CCDC149: variants seen among roughly 807,000 people sequenced by gnomAD.
CCDC149 encodes coiled-coil domain containing 149.
Under a neutral mutation model 59.9 loss-of-function variants are expected in CCDC149, and 45 were observed. The observed-to-expected ratio is 0.75, with a 90% CI of 0.59 to 0.96. CCDC149 has a LOEUF of 0.96. Among genes scored for constraint, CCDC149 ranks in the 40% least tolerant of loss-of-function variants. CCDC149 has a pLI of 0.00. For synonymous variants in CCDC149, 245 were observed against 260.6 expected, an observed-to-expected ratio of 0.94 and a Z score of 0.58; for missense variants, 584 against 664.7, an observed-to-expected ratio of 0.88 and a Z score of 1.33.
intron 9 of CCDC149, chr4:24,827,804 TA>T (rs1223963468): frequency 1.3e-5 from 2 of 152,252 alleles, no homozygotes; most frequent in Admixed American, 1.3e-4. Context: ...AAAACCAGCA[TA>T]GGAGCATACG....
intron 3 of CCDC149, among the ~76,000 whole-genome samples, chr4:24,858,037 A>AG (rs367904248): frequency 8.9e-4 from 135 of 152,000 alleles, no homozygotes; most frequent in African/African-American, 3.0e-3. Flanking sequence ...GCAAAAAAAA[A>AG]AGAAAGTAGT....
At chr4:24,861,234 C>T (rs538971038) in intron 3 of CCDC149, among the ~76,000 whole-genome samples, 57 of 139,186 alleles carry the variant, frequency 4.1e-4, no homozygotes, top group African/African-American at 1.4e-3. Context: ...AATCAATGAG[C>T]GAATAAATAA....
chr4:24,914,637 G>C (rs903812698), upstream of CCDC149, among the ~76,000 whole-genome samples: 1 of 133,460 alleles, frequency 7.5e-6, no homozygotes, highest in Non-Finnish European at 1.5e-5. Context: ...GCTGAGACCA[G>C]CCGAAGAACC....
intron 1 of CCDC149, among the ~76,000 whole-genome samples, chr4:24,918,964 A>T (rs777728933): frequency 1.1e-4 from 17 of 152,318 alleles, no homozygotes; most frequent in Non-Finnish European, 1.8e-4. Flanking sequence ...GCAAGTAAAC[A>T]TGATTTCTAG....
intron 1 of CCDC149, chr4:24,894,850 C>T: frequency 1.9e-6 from 2 of 1,034,034 alleles, no homozygotes; most frequent in Non-Finnish European, 2.7e-6. Flanking sequence ...ATCTCAAAGT[C>T]GCTGACACCC....
At chr4:24,883,016 C>T (rs960744254) in intron 1 of CCDC149, among the ~76,000 whole-genome samples, 1 of 152,164 alleles carries the variant, frequency 6.6e-6, no homozygotes, top group Middle Eastern at 3.2e-3. Context: ...TGCCTGTCCC[C>T]CCAGCCTCCT....
chr4:24,838,503 A>C (rs1219012070), intron 4 of CCDC149, among the ~76,000 whole-genome samples: 1 of 152,162 alleles, frequency 6.6e-6, no homozygotes, highest in African/African-American at 2.4e-5. Context: ...TCTAGGCTGG[A>C]TGTCTGGTGG....
chr4:24,861,418 T>C (rs145776263), intron 3 of CCDC149, among the ~76,000 whole-genome samples: 58 of 152,180 alleles, frequency 3.8e-4, no homozygotes, highest in African/African-American at 1.3e-3. Context: ...CTCACTGATA[T>C]GTGGGAGTTA....
intron 1 of CCDC149, among the ~76,000 whole-genome samples, chr4:24,906,335 C>T (rs1367718414): frequency 1.0e-5 from 1 of 95,298 alleles, no homozygotes; most frequent in East Asian, 3.1e-4. Context: ...TAATAATTAG[C>T]CCTAGAGTAA....
chr4:24,850,296 G>A (rs1464148025), intron 4 of CCDC149, among the ~76,000 whole-genome samples: 2 of 152,142 alleles, frequency 1.3e-5, no homozygotes, highest in East Asian at 1.9e-4. Flanking sequence ...GGATACAGAT[G>A]GAAATTCGGC....
intron 1 of CCDC149, among the ~76,000 whole-genome samples, chr4:24,955,476 C>A (rs546589128): frequency 1.4e-4 from 21 of 152,088 alleles, no homozygotes; most frequent in Middle Eastern, 6.8e-3. Flanking sequence ...TATCCATCAA[C>A]AAAAGAATGA....
At chr4:24,836,790 T>A (rs1208237429) in intron 6 of CCDC149, among the ~76,000 whole-genome samples, 1 of 152,108 alleles carries the variant, frequency 6.6e-6, no homozygotes, top group Non-Finnish European at 1.5e-5. Context: ...ATAATTCTCA[T>A]TAAGATGATT....
intron 3 of CCDC149, among the ~76,000 whole-genome samples, chr4:24,868,137 G>C (rs1718812467): frequency 6.6e-6 from 1 of 152,162 alleles, no homozygotes; most frequent in Non-Finnish European, 1.5e-5. Flanking sequence ...CAGGGTGTGT[G>C]CCTCGATCCC....
chr4:24,876,658 C>A lies in CCDC149; in HGVS notation c.103G>T (p.Ala35Ser). 1 of 1,613,912 alleles carries A rather than the reference C, an allele frequency of 6.2e-7. No homozygotes were observed. Among genetic ancestry groups the A allele is most frequent in the Non-Finnish European group, 8.5e-7 (1 of 1,179,936 alleles). ...AGCTCCTTGGAGAGGATCAGCAGGGCTTCCTTCTTACTCTCCAGCTTCCTC... is the reference window on the plus strand; with the variant it reads ...AGCTCCTTGGAGAGGATCAGCAGGGATTCCTTCTTACTCTCCAGCTTCCTC... The change falls in exon 2 of 13, where the codon GCC becomes TCC. Residue 35 changes from alanine to serine, a missense_variant. Coordinates refer to ENST00000635206, the MANE Select transcript of CCDC149 (RefSeq NM_001330643.2).
chr4:24,853,299 T>C (rs1218859671), intron 3 of CCDC149, 120 bp from the exon 4 acceptor site: 9 of 732,488 alleles, frequency 1.2e-5, no homozygotes, highest in South Asian at 7.5e-5. Flanking sequence ...AAGCCCGTTA[T>C]AGTAAACACA....
At chr4:24,912,437 C>A (rs577018229) in intron 1 of CCDC149, among the ~76,000 whole-genome samples, 1 of 152,174 alleles carries the variant, frequency 6.6e-6, no homozygotes, top group Non-Finnish European at 1.5e-5. Context: ...CCCATGGCAC[C>A]ACCTTCCCGT....
At chr4:24,944,355 C>T (rs1334039429) in intron 1 of CCDC149, among the ~76,000 whole-genome samples, 18 of 150,432 alleles carry the variant, frequency 1.2e-4, no homozygotes, top group Non-Finnish European at 2.9e-5. Context: ...ACAATGAGAA[C>T]GCATGGACAC....
At chr4:24,924,080 T>C (rs545833110) in intron 1 of CCDC149, among the ~76,000 whole-genome samples, 2 of 152,248 alleles carry the variant, frequency 1.3e-5, no homozygotes, top group Non-Finnish European at 2.9e-5. Context: ...CTTCCACTCA[T>C]ATTCCATTAG....
At chr4:24,857,176 A>G (rs1488678847) in intron 3 of CCDC149, among the ~76,000 whole-genome samples, 2 of 152,210 alleles carry the variant, frequency 1.3e-5, no homozygotes, top group Non-Finnish European at 2.9e-5. Flanking sequence ...AGACCCTGAC[A>G]TTCACTGACC....
Sources: gnomAD v4.1 joint callset for allele counts (sites outside exome capture counted in the v4.1 genomes callset) on GRCh38, gnomAD v4.1.1 for gene constraint, MANE v1.5 for transcripts, NCBI Gene and HGNC (gene_info 2026-07-23, HGNC 2026-07-21) for gene names.